MDGA2: variants seen among roughly 807,000 people sequenced by gnomAD.
MDGA2 encodes the protein MAM domain-containing glycosylphosphatidylinositol anchor protein 2.
A neutral mutation model predicts 117.8 loss-of-function variants in MDGA2; 40 were observed. That is an observed-to-expected ratio of 0.34 (90% CI 0.26 to 0.44). The LOEUF (loss-of-function observed/expected upper bound fraction) is 0.44. MDGA2 is among the 20% of genes least tolerant of loss of function. The probability of loss-of-function intolerance (pLI) is 1.00; values close to 1 mark genes in which losing one functional copy is unlikely to be tolerated. For missense variants in MDGA2, 1,123 were observed against 1,250.6 expected (o/e 0.90, Z 1.54); for synonymous variants, 452 against 439.0 (o/e 1.03, Z -0.37).
chr14:47,642,078 G>C (rs1368603544), intron 1 of MDGA2, among the ~76,000 whole-genome samples: 2 of 152,070 alleles, frequency 1.3e-5, no homozygotes, highest in Admixed American at 6.5e-5. Flanking sequence ...ATAAGGAGGG[G>C]AGAAGATTCT....
chr14:47,674,087 G>T (rs941590954), intron 1 of MDGA2, among the ~76,000 whole-genome samples: 2 of 151,850 alleles, frequency 1.3e-5, no homozygotes, highest in Non-Finnish European at 2.9e-5. Context: ...AAGGTGGAGA[G>T]GAGGAGGCGG....
In MDGA2 at chr14:46,855,103, G is replaced by A. The variant is rs1881216856; in HGVS notation, c.2804C>T (p.Pro935Leu). 6.2e-7 allele frequency: 1 copy of A among 1,611,220 alleles called. No individual in the cohort carries two copies. The highest frequency in any genetic ancestry group is 2.2e-5 in the East Asian group (1 of 44,630). ...TTTATTCCCACTTGAAGACCACAGT[G>A]GATTCTCTATTGTTGTTTGCCCTTT... is the stretch of plus-strand genomic sequence containing the variant. The part of the protein sequence containing the change: ...RLKGQTTIEN[P>L]LWSSSGNKGQ... The change falls in exon 15 of 17, where the codon CCA becomes CTA. Residue 935 changes from proline to leucine, a missense_variant. Physicochemically the swap from Pro to Leu is moderately conservative, Grantham distance 98. Coordinates refer to ENST00000399232, the MANE Select transcript of MDGA2 (RefSeq NM_001113498.3). The surrounding 1 kb of genome is among the most constrained non-coding windows in gnomAD (Gnocchi z 4.1).
intron 7 of MDGA2, among the ~76,000 whole-genome samples, chr14:47,055,397 T>G (rs2138750968): frequency 1.3e-5 from 2 of 152,206 alleles, no homozygotes; most frequent in South Asian, 4.1e-4. Context: ...TCCTAAGATC[T>G]AGTGCCTTAT....
chr14:46,881,342 T>C (rs755417072), intron 11 of MDGA2, among the ~76,000 whole-genome samples: 8 of 152,130 alleles, frequency 5.3e-5, no homozygotes, highest in Non-Finnish European at 8.8e-5. Context: ...ATATCATTGG[T>C]TGCCCGGACT....
chr14:47,296,475 A>G (rs780236080), intron 2 of MDGA2, among the ~76,000 whole-genome samples: 3 of 152,228 alleles, frequency 2.0e-5, no homozygotes, highest in Non-Finnish European at 4.4e-5. Flanking sequence ...AACTAGTAAG[A>G]AAAGAGAAGA....
chr14:47,227,204 G>C (rs188106969), intron 2 of MDGA2, among the ~76,000 whole-genome samples: 139 of 152,158 alleles, frequency 9.1e-4, no homozygotes, highest in Admixed American at 4.8e-3. Flanking sequence ...CATGAAATAA[G>C]GTACTAGGGA....
At chr14:46,954,696 C>T (rs1885496761) in intron 9 of MDGA2, among the ~76,000 whole-genome samples, 1 of 151,994 alleles carries the variant, frequency 6.6e-6, no homozygotes, top group Admixed American at 6.6e-5. Context: ...AGATAAGTTC[C>T]TTCTCTCAAA....
chr14:47,157,221 T>C (rs986199921), intron 3 of MDGA2, among the ~76,000 whole-genome samples: 5 of 152,194 alleles, frequency 3.3e-5, no homozygotes, highest in African/African-American at 9.6e-5. Flanking sequence ...TGATCATTCA[T>C]AATAAAAGAC....
intron 1 of MDGA2, among the ~76,000 whole-genome samples, chr14:47,556,549 C>G (rs1193972408): frequency 6.6e-6 from 1 of 152,162 alleles, no homozygotes; most frequent in African/African-American, 2.4e-5. Context: ...AGCAGAACAA[C>G]AGAGAAACTA....
At chr14:47,099,949 A>G (rs1434050057) in intron 5 of MDGA2, among the ~76,000 whole-genome samples, 2 of 152,004 alleles carry the variant, frequency 1.3e-5, no homozygotes, top group Non-Finnish European at 2.9e-5. Context: ...GTGCTTAATA[A>G]ATATTAGTAA....
At chr14:46,883,077 C>G (rs763952319) in intron 10 of MDGA2, among the ~76,000 whole-genome samples, 1 of 151,950 alleles carries the variant, frequency 6.6e-6, no homozygotes, top group Admixed American at 6.6e-5. Context: ...TTTACAAAAT[C>G]TTGCAGATAT....
chr14:47,471,671 C>T (rs1176862170), intron 1 of MDGA2, among the ~76,000 whole-genome samples: 1 of 151,858 alleles, frequency 6.6e-6, no homozygotes, highest in Non-Finnish European at 1.5e-5. Context: ...GCAAATAATT[C>T]TAAATTTCAA....
At chr14:47,642,466 G>A (rs543356391) in intron 1 of MDGA2, among the ~76,000 whole-genome samples, 20 of 152,096 alleles carry the variant, frequency 1.3e-4, no homozygotes, top group South Asian at 8.3e-4. Flanking sequence ...AGAGGGCTTC[G>A]AGAGAGCTTT....
At chr14:47,215,724 C>T (rs1886062196) in intron 3 of MDGA2, among the ~76,000 whole-genome samples, 1 of 152,080 alleles carries the variant, frequency 6.6e-6, no homozygotes, top group African/African-American at 2.4e-5. Context: ...AGAGAGATGT[C>T]ATGTTTATTT....
chr14:47,060,290 A>T (rs761510231), intron 7 of MDGA2, among the ~76,000 whole-genome samples: 15 of 152,064 alleles, frequency 9.9e-5, no homozygotes, highest in Non-Finnish European at 2.2e-4. Context: ...TTCTATTCTT[A>T]AGGAGTAAAA....
intron 2 of MDGA2, among the ~76,000 whole-genome samples, chr14:47,291,849 C>A (rs570744799): frequency 6.6e-6 from 1 of 152,106 alleles, no homozygotes; most frequent in South Asian, 2.1e-4. Context: ...TCTAGGTTAC[C>A]AAGACAATCA....
intron 1 of MDGA2, among the ~76,000 whole-genome samples, chr14:47,486,197 TC>T (rs1013741852): frequency 2.0e-5 from 3 of 152,308 alleles, no homozygotes; most frequent in African/African-American, 7.2e-5. Flanking sequence ...GGAATCCACC[TC>T]TTGCATCAGC....
At chr14:47,172,309 C>G (rs962063504) in intron 3 of MDGA2, among the ~76,000 whole-genome samples, 2 of 152,214 alleles carry the variant, frequency 1.3e-5, no homozygotes, top group Non-Finnish European at 2.9e-5. Flanking sequence ...TCTCCAAGCA[C>G]GCAGCTGGAG....
At position 47,653,752 on chromosome 14, in the gene MDGA2, C is replaced by T. The variant is rs762763883; in HGVS notation, c.280+20765G>A. Reference sequence around the variant, plus strand: ...AAGGGTCTCAGAAAGTGCAAGACAGCGGAAAAAGAGGAGAGTCAGAGGGAG... The same window carrying T: ...AAGGGTCTCAGAAAGTGCAAGACAGTGGAAAAAGAGGAGAGTCAGAGGGAG... On this transcript the variant is annotated intron_variant, in intron 1 of 16. Coordinates refer to ENST00000399232, the MANE Select transcript of MDGA2 (RefSeq NM_001113498.3). Among the ~76,000 whole-genome samples, 6 of 151,766 alleles carry T rather than the reference C, an allele frequency of 4.0e-5. No homozygotes were observed. The South Asian group carries it at 6.2e-4, about 16-fold the overall frequency.
Sources: allele counts gnomAD v4.1 joint callset (sites outside exome capture counted in the v4.1 genomes callset), GRCh38; gene constraint gnomAD v4.1.1; non-coding constraint Gnocchi (gnomAD v3.1); transcripts MANE v1.5; gene names NCBI Gene and HGNC (gene_info 2026-07-23, HGNC 2026-07-21).